Variants in ITGB3BP observed in about 807,000 individuals in gnomAD.
ITGB3BP encodes centromere protein R.
In ITGB3BP, 27 loss-of-function variants were observed where a neutral mutation model predicts 29.1. The ratio of observed to expected loss-of-function variants is 0.93; its 90% CI spans 0.68 to 1.28. ITGB3BP has a LOEUF of 1.28. ITGB3BP is among the 50% of genes most tolerant of loss of function. ITGB3BP has a pLI of 0.00. For missense variants in ITGB3BP, 192 were observed against 200.2 expected, an observed-to-expected ratio of 0.96 and a Z score of 0.25; for synonymous variants, 61 against 61.4, an observed-to-expected ratio of 0.99 and a Z score of 0.03.
rs960112912 is a variant in ITGB3BP, at chr1:63,454,670, A to T, written c.334-197T>A. 6.6e-6 allele frequency among the ~76,000 whole-genome samples: 1 copy of T among 152,206 alleles called. No individual in the cohort carries two copies. The highest frequency in any genetic ancestry group is 1.5e-5 in the Non-Finnish European group (1 of 68,010). On this transcript the variant is annotated intron_variant, in intron 5 of 8. Coordinates refer to ENST00000271002, the MANE Select transcript of ITGB3BP (RefSeq NM_014288.5). The surrounding 1 kb of genome is among the most constrained non-coding windows in gnomAD (Gnocchi z 4.1). ...AAAAACAATTTATAATTAACTAAAA[A>T]GACTAAATGTAATCTATAAATTTAT...
At chr1:63,486,326 G>A (rs1354829175) in intron 3 of ITGB3BP, among the ~76,000 whole-genome samples, 2 of 151,940 alleles carry the variant, frequency 1.3e-5, no homozygotes, top group African/African-American at 4.8e-5. Context: ...TGACCCTTGA[G>A]GAACTCGAGG....
chr1:63,463,306 G>T (rs545023674), intron 4 of ITGB3BP, among the ~76,000 whole-genome samples: 1 of 150,394 alleles, frequency 6.6e-6, no homozygotes, highest in East Asian at 1.9e-4. Flanking sequence ...CGCGGTGATG[G>T]AACTGTTCTG....
chr1:63,446,726 T>C (rs1644795187), intron 8 of ITGB3BP, 80 bp downstream of exon 8: 10 of 988,096 alleles, frequency 1.0e-5, no homozygotes, highest in Admixed American at 4.0e-5. Flanking sequence ...AATCTGATAA[T>C]GTAAATAAAA....
Position 63,454,468 on chromosome 1 carries a change from C to A in ITGB3BP, c.339G>T (p.Leu113Phe). 1 of 1,566,808 alleles carries A rather than the reference C, an allele frequency of 6.4e-7. No individual in the cohort carries two copies. The highest frequency in any genetic ancestry group is 8.7e-7 in the Non-Finnish European group (1 of 1,143,878). Residue 113 changes from leucine to phenylalanine, a missense_variant, in exon 6 of 9, where the codon TTG becomes TTT. Leu to Phe is a conservative substitution (Grantham distance 22, BLOSUM62 0). Coordinates refer to ENST00000271002, the MANE Select transcript of ITGB3BP (RefSeq NM_014288.5). This position sits in a 1 kb window ranked among gnomAD's most constrained non-coding sequence, Gnocchi z 4.1. ...IMQNLSSIQA[L>F]EGSRELENLI... is the part of the protein sequence containing the mutation. ...GATTTTCAAGCTCTCTACTGCCCTC[C>A]AAAGCCTACAAGAAAGTCATCTTGA...
chr1:63,506,804 G>C (rs1345157782), intron 2 of ITGB3BP, among the ~76,000 whole-genome samples: 1 of 152,146 alleles, frequency 6.6e-6, no homozygotes, highest in East Asian at 1.9e-4. Flanking sequence ...ATATTGGTAA[G>C]GTAAAATGAC....
chr1:63,523,717 A>G (rs1444870721), upstream of ITGB3BP: 2 of 162,834 alleles, frequency 1.2e-5, no homozygotes, highest in African/African-American at 4.8e-5. Flanking sequence ...TGCTTTGTCT[A>G]CTTCTCTGTC....
At chr1:63,497,733 G>T (rs56409105) in intron 2 of ITGB3BP, among the ~76,000 whole-genome samples, 51,154 of 151,636 alleles carry the variant, frequency 0.34, 8,782 homozygotes, top group East Asian at 0.48. Context: ...AAGAGGGAAG[G>T]ACAGAAGGTA....
At chr1:63,520,459 A>T (rs934606646) in intron 1 of ITGB3BP, among the ~76,000 whole-genome samples, 2 of 152,192 alleles carry the variant, frequency 1.3e-5, no homozygotes, top group Admixed American at 6.5e-5. Flanking sequence ...AGGGAAGATG[A>T]TTAGCCTAAT....
At chr1:63,459,315 T>C (rs2100527131) in intron 4 of ITGB3BP, among the ~76,000 whole-genome samples, 1 of 152,326 alleles carries the variant, frequency 6.6e-6, no homozygotes, top group Admixed American at 6.5e-5. Flanking sequence ...ACAAATACAC[T>C]ACTAATTAAT....
chr1:63,525,897 T>G (rs1646580736), upstream of ITGB3BP: 1 of 588,010 alleles, frequency 1.7e-6, no homozygotes, highest in South Asian at 2.6e-5. Context: ...TACAGTAAGC[T>G]ATTATGTCAT....
At position 63,501,992 on chromosome 1, in the gene ITGB3BP, C is replaced by T. The variant is rs117019091; in HGVS notation, c.48+6536G>A. ...TCTGGCAGGAAGCCTATTGAGCTGG[C>T]CTTGGTAAGAAGTATGCTCTTCTCT... On this transcript the variant is annotated intron_variant, in intron 2 of 8. Transcript: ENST00000271002. Among the ~76,000 whole-genome samples the T allele has an allele frequency of 2.8e-3, 424 of 152,248 alleles. 4 individuals are homozygous for T. Among genetic ancestry groups the T allele is most frequent in the East Asian group, 0.024 (123 of 5,174 alleles).
chr1:63,512,532 A>G (rs1336460657), intron 1 of ITGB3BP, among the ~76,000 whole-genome samples: 2 of 152,162 alleles, frequency 1.3e-5, no homozygotes, highest in African/African-American at 4.8e-5. Context: ...ACAATTTTGA[A>G]TAACAGGACT....
chr1:63,517,108 T>C (rs1646349024), intron 1 of ITGB3BP, among the ~76,000 whole-genome samples: 2 of 152,008 alleles, frequency 1.3e-5, no homozygotes, highest in Non-Finnish European at 2.9e-5. Context: ...ATAAAGATAA[T>C]ACCAAATACT....
chr1:63,508,543 A>G lies in ITGB3BP; in HGVS notation c.33T>C (p.Gly11=), dbSNP rs371515162. 4 of 1,432,078 alleles carry G rather than the reference A, an allele frequency of 2.8e-6. No individual in the cohort carries two copies. The highest frequency in any genetic ancestry group is 3.8e-6 in the Non-Finnish European group (4 of 1,054,894). The allele number at this position is 1,432,078 out of a possible 1,614,324, so 88.7% of individuals were successfully genotyped here. The change falls in exon 2 of 9, where the codon GGT becomes GGC. Residue 11 remains glycine, a synonymous_variant. Transcript: ENST00000271002. ...AAATACTTACATTTTCTTCTAACAG[A>G]CCATCCAACTTCAGTGATCTTTTAA... MPVKRSLKLD[G]LLEENSFDPS...
intron 2 of ITGB3BP, among the ~76,000 whole-genome samples, chr1:63,496,141 G>A (rs1335017256): frequency 1.3e-5 from 2 of 151,616 alleles, no homozygotes; most frequent in East Asian, 3.9e-4. Context: ...TACCCAGGCG[G>A]GAGTGCAGTG....
chr1:63,509,770 G>A (rs534761919), intron 1 of ITGB3BP, among the ~76,000 whole-genome samples: 1 of 152,272 alleles, frequency 6.6e-6, no homozygotes, highest in African/African-American at 2.4e-5. Flanking sequence ...ATTTCCCAAT[G>A]AGGCAAGAAG....
chr1:63,526,945 A>G (rs1275779635), upstream of ITGB3BP, among the ~76,000 whole-genome samples: 1 of 152,154 alleles, frequency 6.6e-6, no homozygotes, highest in East Asian at 1.9e-4. Flanking sequence ...TTGTATTTTT[A>G]GTAGAGACGG....
intron 2 of ITGB3BP, among the ~76,000 whole-genome samples, chr1:63,506,994 A>G (rs143600465): frequency 9.2e-5 from 14 of 152,250 alleles, no homozygotes; most frequent in Admixed American, 3.9e-4. Context: ...TTGTTACTAG[A>G]GTAGATGAAG....
intron 3 of ITGB3BP, among the ~76,000 whole-genome samples, chr1:63,482,880 C>T (rs926748421): frequency 2.6e-5 from 4 of 152,110 alleles, no homozygotes; most frequent in African/African-American, 9.7e-5. Flanking sequence ...TCTCAAACTC[C>T]TGACCTCAGG....
Sources: allele counts gnomAD v4.1 joint callset (sites outside exome capture counted in the v4.1 genomes callset), GRCh38; gene constraint gnomAD v4.1.1; non-coding constraint Gnocchi (gnomAD v3.1); transcripts MANE v1.5; gene names NCBI Gene and HGNC (gene_info 2026-07-23, HGNC 2026-07-21).